Variants in MIER2 observed in about 807,000 individuals in gnomAD.
The protein encoded by MIER2 is MIER family member 2, also known as mesoderm induction early response protein 2.
A neutral mutation model predicts 67.6 loss-of-function variants in MIER2; 30 were observed. The ratio of observed to expected loss-of-function variants is 0.44; its 90% CI spans 0.33 to 0.60. MIER2 has a LOEUF of 0.60. Ranked by LOEUF, MIER2 falls within the 20% of genes least tolerant of loss-of-function variation. The probability of loss-of-function intolerance (pLI) is 0.02; values close to 1 mark genes in which losing one functional copy is unlikely to be tolerated. For missense variants in MIER2, 702 were observed against 745.1 expected (o/e 0.94, Z 0.67); for synonymous variants, 372 against 312.6 (o/e 1.19, Z -2.00).
At chr19:317,384 G>A (rs899684661) in intron 7 of MIER2, among the ~76,000 whole-genome samples, 57 of 151,772 alleles carry the variant, frequency 3.8e-4, no homozygotes, top group African/African-American at 1.1e-3. Flanking sequence ...AACATTAGCC[G>A]GGAGTCATGG....
intron 7 of MIER2, 75 bp downstream of exon 7, chr19:325,560 C>G (rs1043006426): frequency 6.4e-7 from 1 of 1,556,142 alleles, no homozygotes; most frequent in Non-Finnish European, 8.9e-7. Flanking sequence ...CCAGACTGTC[C>G]AAGGATCTGA....
At chr19:337,801 G>A (rs149008171) in intron 1 of MIER2, among the ~76,000 whole-genome samples, 1,847 of 146,002 alleles carry the variant, frequency 0.013, 88 homozygotes, top group Admixed American at 0.11. Flanking sequence ...CCAGGGAGGC[G>A]GAGGCTGCAG....
intron 10 of MIER2, among the ~76,000 whole-genome samples, chr19:311,309 G>A (rs1240001825): frequency 6.6e-6 from 1 of 152,248 alleles, no homozygotes; most frequent in African/African-American, 2.4e-5. Flanking sequence ...AAGCCACAGG[G>A]CAGAGGGCAC....
In MIER2 at chr19:320,105, T is replaced by C. The variant is rs191315235; in HGVS notation, c.655+5530A>G. On this transcript the variant is annotated intron_variant, in intron 7 of 13. Transcript: ENST00000264819. ...ACGCCTTACTGCAGGCCGGGTGCAG[T>C]GGCTCATGAGTGTAATCCCGGCACT... 2.6e-3 allele frequency among the ~76,000 whole-genome samples: 391 copies of C among 152,244 alleles called. 3 individuals carry two copies. The highest frequency in any genetic ancestry group is 0.01 in the Middle Eastern group (3 of 294).
At chr19:317,702 C>G (rs57568301) in intron 7 of MIER2, among the ~76,000 whole-genome samples, 14,851 of 144,340 alleles carry the variant, frequency 0.1, 950 homozygotes, top group African/African-American at 0.16. Context: ...TGCACTCCAG[C>G]CTGGGCAATG....
In MIER2 at chr19:306,350, C is replaced by A; in HGVS notation, c.*340G>T. 2.4e-6 allele frequency: 1 copy of A among 409,350 alleles called. No individual in the cohort carries two copies. 25.4% of individuals were successfully genotyped at this position (409,350 alleles called of 1,614,324 possible). The stretch of plus-strand genomic sequence containing the variant: ...TGACGCCTTCCCTCGCCTCTGCTGG[C>A]TGGAAGGGACTAGGTGGCCGGCTCT... On this transcript the variant is annotated 3_prime_UTR_variant, in exon 14 of 14. Coordinates refer to ENST00000264819, the MANE Select transcript of MIER2 (RefSeq NM_017550.3).
intron 7 of MIER2, among the ~76,000 whole-genome samples, chr19:322,270 C>T (rs960661942): frequency 6.6e-6 from 1 of 152,172 alleles, no homozygotes; most frequent in African/African-American, 2.4e-5. Context: ...AACAATAAAT[C>T]TTCTAGAAAG....
intron 1 of MIER2, among the ~76,000 whole-genome samples, chr19:339,499 G>A (rs1972408657): frequency 6.6e-6 from 1 of 152,216 alleles, no homozygotes; most frequent in African/African-American, 2.4e-5. Context: ...CCCTGCCGGT[G>A]GGAATGTCAA....
At chr19:321,513 C>T (rs543936640) in intron 7 of MIER2, among the ~76,000 whole-genome samples, 2 of 151,984 alleles carry the variant, frequency 1.3e-5, no homozygotes, top group South Asian at 2.1e-4. Flanking sequence ...GGCGTGGTGG[C>T]GGGTGCCTGT....
At chr19:310,138 C>G (rs763463609) in intron 10 of MIER2, among the ~76,000 whole-genome samples, 30 of 152,206 alleles carry the variant, frequency 2.0e-4, no homozygotes, top group Non-Finnish European at 4.3e-4. Context: ...GCACACCTGG[C>G]AACACCTCCA....
At chr19:313,346 G>A (rs997132926) in intron 8 of MIER2, 146 bp downstream of exon 8, 1 of 1,311,926 alleles carries the variant, frequency 7.6e-7, no homozygotes, top group South Asian at 1.4e-5. Flanking sequence ...TCTGACCTGA[G>A]TAGCTGTTCC....
At chr19:319,235 G>A (rs976563660) in intron 7 of MIER2, among the ~76,000 whole-genome samples, 5 of 151,750 alleles carry the variant, frequency 3.3e-5, no homozygotes, top group South Asian at 2.1e-4. Context: ...GGTGGCGGGC[G>A]CCTGTAGTCC....
chr19:331,892 A>G (rs1419543940), intron 3 of MIER2, among the ~76,000 whole-genome samples: 1 of 149,972 alleles, frequency 6.7e-6, no homozygotes, highest in African/African-American at 2.5e-5. Flanking sequence ...GAGGTAGGAG[A>G]ATCACTTGAG....
Position 337,824 on chromosome 19 carries a change from G to T in MIER2, c.10-1651C>A, listed in dbSNP as rs1425633906. On this transcript the variant is annotated intron_variant, in intron 1 of 13. Coordinates refer to ENST00000264819, the MANE Select transcript of MIER2 (RefSeq NM_017550.3). ...GCGGAGGCTGCAGTGAGCCGAGATC[G>T]TGCCACTGCACTCCAGCCTGGGCAA... Among the ~76,000 whole-genome samples the T allele has an allele frequency of 2.9e-5, 4 of 136,806 alleles. No individual in the cohort carries two copies. In the East Asian group the frequency reaches 8.7e-4, roughly 30 times the overall value. The allele number at this position is 136,806 out of a possible 152,430, so 89.8% of individuals were successfully genotyped here.
chr19:336,135 G>A lies in MIER2; in HGVS notation c.48C>T (p.Ser16=), dbSNP rs1341204237. 6.2e-7 allele frequency: 1 copy of A among 1,613,846 alleles called. No individual in the cohort carries two copies. The highest frequency in any genetic ancestry group is 8.5e-7 in the Non-Finnish European group (1 of 1,179,884). ...SLGRQSPRVV[S]CLEHSLCPGE... is the part of the protein sequence containing the mutation. The stretch of plus-strand genomic sequence containing the variant: ...CTGGGCACAGGCTGTGCTCGAGGCA[G>A]GAGACCACGCGAGGACTCTGCCTCC... The change falls in exon 2 of 14, where the codon TCC becomes TCT. Residue 16 remains serine, a synonymous_variant. Transcript: ENST00000264819.
Position 308,656 on chromosome 19 carries a change from G to C in MIER2, c.1119C>G (p.Asp373Glu). 5 of 1,602,960 alleles carry C rather than the reference G, an allele frequency of 3.1e-6. No individual in the cohort carries two copies. Among genetic ancestry groups the C allele is most frequent in the Non-Finnish European group, 4.3e-6 (5 of 1,176,150 alleles). ...CGGGGTCGCTGCCATCCAGGTCCTG[G>C]TCTGCGTCCCTGTGGGGAGAGGGCG... ...KYVPSGTTDA[D>E]QDLDGSDPDG... Residue 373 changes from aspartate to glutamate, a missense_variant, in exon 12 of 14, where the codon GAC becomes GAG. Around this residue, in one of 3 missense-constraint regions of MIER2, gnomAD observed 254 missense variants for 262.8 expected, o/e 0.97. Transcript: ENST00000264819. This position sits in a 1 kb window ranked among gnomAD's most constrained non-coding sequence, Gnocchi z 9.1.
At chr19:329,800 A>AGGT (rs1329006308) in intron 3 of MIER2, among the ~76,000 whole-genome samples, 1 of 141,790 alleles carries the variant, frequency 7.1e-6, no homozygotes, top group African/African-American at 2.6e-5. Flanking sequence ...TAGGAGGCAG[A>AGGT]GGTTGCAGTG....
At chr19:331,547 T>C (rs1022218121) in intron 3 of MIER2, among the ~76,000 whole-genome samples, 3 of 152,014 alleles carry the variant, frequency 2.0e-5, no homozygotes, top group Admixed American at 6.6e-5. Flanking sequence ...CGTGCGACTA[T>C]AGTCCCAGTT....
At chr19:309,074 T>G in intron 10 of MIER2, 149 bp from the exon 11 acceptor site, 1 of 1,145,352 alleles carries the variant, frequency 8.7e-7, no homozygotes, top group Non-Finnish European at 1.2e-6. Context: ...CCCCGACCCA[T>G]GACCCTAACA....
Sources: gnomAD v4.1 joint callset for allele counts (sites outside exome capture counted in the v4.1 genomes callset) on GRCh38, gnomAD v4.1.1 for gene constraint, gnomAD v4.1.1 regional missense constraint, Gnocchi (gnomAD v3.1) non-coding constraint, MANE v1.5 for transcripts, NCBI Gene and HGNC (gene_info 2026-07-23, HGNC 2026-07-21) for gene names.